The following LAMC1 variants were observed in gnomAD, a reference collection of about 807,000 sequenced individuals.
LAMC1 encodes laminin subunit gamma-1.
In LAMC1, 38 loss-of-function variants were observed where a neutral mutation model predicts 173.6. That is an observed-to-expected ratio of 0.22 (90% confidence interval 0.17 to 0.29). LAMC1 has a LOEUF of 0.29. Ranked by LOEUF, LAMC1 falls within the 10% of genes least tolerant of loss-of-function variation. LAMC1 has a pLI of 1.00. For synonymous variants in LAMC1, 746 were observed against 749.1 expected (o/e 1.00, Z 0.07); for missense variants, 1,824 against 2,051.8 (o/e 0.89, Z 2.14).
chr1:183,094,959 C>A (rs1043612107), intron 1 of LAMC1, among the ~76,000 whole-genome samples: 1 of 152,082 alleles, frequency 6.6e-6, no homozygotes, highest in Non-Finnish European at 1.5e-5. Flanking sequence ...GATTCTCCTG[C>A]CTCAGCCTCC....
chr1:183,136,255 GC>G, intron 24 of LAMC1, 130 bp from the exon 25 acceptor site: 2 of 695,790 alleles, frequency 2.9e-6, no homozygotes, highest in Non-Finnish European at 5.0e-6. Context: ...TAAAATTTCA[GC>G]CCATGCTCTC....
At position 183,142,879 on chromosome 1, in the gene LAMC1, G is replaced by A; in HGVS notation, c.*89G>A. ...CTTGACACAAAGATTACATTTTTCA[G>A]ACCCCCACTCCTCTGCTGCTGTCCA... is the stretch of plus-strand genomic sequence containing the variant. On this transcript the variant is annotated 3_prime_UTR_variant, in exon 28 of 28. Transcript: ENST00000258341. 7.4e-7 allele frequency: 1 copy of A among 1,345,418 alleles called. No homozygotes were observed. Among genetic ancestry groups the A allele is most frequent in the South Asian group, 1.4e-5 (1 of 70,722 alleles). The allele number at this position is 1,345,418 out of a possible 1,614,324, so 83.3% of individuals were successfully genotyped here. A position where few individuals can be genotyped will look rare whatever the true frequency, so the allele number is the denominator to read the frequency against.
chr1:183,077,462 A>G (rs558480793), intron 1 of LAMC1, among the ~76,000 whole-genome samples: 21 of 152,160 alleles, frequency 1.4e-4, no homozygotes, highest in African/African-American at 4.8e-4. Context: ...GTTTGGTTAC[A>G]TGAATAAGTT....
chr1:183,028,605 G>A (rs562122145), intron 1 of LAMC1, among the ~76,000 whole-genome samples: 4 of 152,320 alleles, frequency 2.6e-5, no homozygotes, highest in South Asian at 2.1e-4. Flanking sequence ...GATTGCATTC[G>A]TTCTTGCAGC....
chr1:183,024,650 A>G (rs1306948292), intron 1 of LAMC1, among the ~76,000 whole-genome samples: 2 of 152,218 alleles, frequency 1.3e-5, no homozygotes, highest in Non-Finnish European at 2.9e-5. Context: ...TATATTGCCT[A>G]TGTGTAATTA....
intron 1 of LAMC1, among the ~76,000 whole-genome samples, chr1:183,069,455 A>G (rs1267483152): frequency 6.6e-6 from 1 of 152,236 alleles, no homozygotes; most frequent in Non-Finnish European, 1.5e-5. Flanking sequence ...GTAAAAGTTA[A>G]GTCATTATCC....
chr1:183,097,099 G>A (rs1655714314), intron 1 of LAMC1, among the ~76,000 whole-genome samples: 1 of 152,172 alleles, frequency 6.6e-6, no homozygotes, highest in African/African-American at 2.4e-5. Flanking sequence ...ATCCGCTGAG[G>A]TGGAACAATA....
intron 22 of LAMC1, among the ~76,000 whole-genome samples, chr1:183,133,991 G>A (rs1341030909): frequency 6.6e-6 from 1 of 152,160 alleles, no homozygotes; most frequent in Non-Finnish European, 1.5e-5. Flanking sequence ...TTTACTCCCA[G>A]GCTCTGTCTA....
At chr1:183,123,003 C>T (rs1656521373) in intron 13 of LAMC1, among the ~76,000 whole-genome samples, 1 of 152,158 alleles carries the variant, frequency 6.6e-6, no homozygotes, top group Non-Finnish European at 1.5e-5. Context: ...TTGTGTCAGC[C>T]ATTTTCTGCT....
chr1:183,054,149 C>A (rs1358679149), intron 1 of LAMC1, among the ~76,000 whole-genome samples: 1 of 152,158 alleles, frequency 6.6e-6, no homozygotes. Flanking sequence ...ATTTGTAAGG[C>A]TAGCATCATT....
At chr1:183,099,505 T>C (rs1448774132) in intron 1 of LAMC1, among the ~76,000 whole-genome samples, 1 of 152,142 alleles carries the variant, frequency 6.6e-6, no homozygotes, top group Non-Finnish European at 1.5e-5. Flanking sequence ...TTGACTCTCC[T>C]AGCAGATTTG....
chr1:183,117,095 CAATG>C (rs1293873935), intron 8 of LAMC1, 192 bp downstream of exon 8: 1 of 714,126 alleles, frequency 1.4e-6, no homozygotes, highest in African/African-American at 1.8e-5. Context: ...GAATTTATCT[CAATG>C]AATGGTGATT....
chr1:183,128,271 TA>T (rs1219909220), intron 17 of LAMC1, among the ~76,000 whole-genome samples: 1 of 152,118 alleles, frequency 6.6e-6, no homozygotes, highest in African/African-American at 2.4e-5. Flanking sequence ...ATACAGTCTT[TA>T]AAGTCAAAGG....
intron 1 of LAMC1, among the ~76,000 whole-genome samples, chr1:183,085,783 A>G (rs1043915081): frequency 1.3e-5 from 2 of 152,208 alleles, no homozygotes; most frequent in African/African-American, 4.8e-5. Context: ...TAAAAAGTTT[A>G]TAAATATGCT....
Position 183,118,059 on chromosome 1 carries a change from T to C in LAMC1, c.1903T>C (p.Trp635Arg). 1 of 1,613,280 alleles carries C rather than the reference T, an allele frequency of 6.2e-7. No homozygotes were observed. Among genetic ancestry groups the C allele is most frequent in the Non-Finnish European group, 8.5e-7 (1 of 1,179,234 alleles). Reference sequence around the variant, plus strand: ...GCTCCATGAAGCAACAGATTACCCTTGGAGGCCTGCTCTTACCCCTTTTGA... The same window carrying C: ...GCTCCATGAAGCAACAGATTACCCTCGGAGGCCTGCTCTTACCCCTTTTGA... ...FRLHEATDYP[W>R]RPALTPFEFQ... Residue 635 changes from tryptophan to arginine, a missense_variant, in exon 11 of 28, where the codon TGG becomes CGG. Physicochemically the swap from Trp to Arg is moderately radical, Grantham distance 101. Coordinates refer to ENST00000258341, the MANE Select transcript of LAMC1 (RefSeq NM_002293.4).
At chr1:183,087,923 C>T (rs2102056583) in intron 1 of LAMC1, among the ~76,000 whole-genome samples, 1 of 151,884 alleles carries the variant, frequency 6.6e-6, no homozygotes, top group Admixed American at 6.6e-5. Flanking sequence ...AAGCGATTCT[C>T]CTGCCTCAGC....
In LAMC1 at chr1:183,075,312, C is replaced by T. The variant is rs571909260; in HGVS notation, c.419-28016C>T. 7.2e-5 allele frequency among the ~76,000 whole-genome samples: 11 copies of T among 152,038 alleles called. No homozygotes were observed. The East Asian group carries it at 1.6e-3, about 21-fold the overall frequency. ...GCTAATTTTTACAAGGACAGGGTTT[C>T]GCCATGTTGCCCAGGCTGGTCTCAA... On this transcript the variant is annotated intron_variant, in intron 1 of 27. Coordinates refer to ENST00000258341, the MANE Select transcript of LAMC1 (RefSeq NM_002293.4).
chr1:183,023,777 C>A lies in LAMC1; in HGVS notation c.61C>A (p.Leu21Met), dbSNP rs766921542. Residue 21 changes from leucine to methionine, a missense_variant, in exon 1 of 28, where the codon CTG becomes ATG. Leu to Met is a conservative substitution (Grantham distance 15, BLOSUM62 2). Coordinates refer to ENST00000258341, the MANE Select transcript of LAMC1 (RefSeq NM_002293.4). ...LRPRGRLWPV[L>M]AVLAAAAAAG... is the part of the protein sequence containing the mutation. ...GCCCCGGGGGCGGCTCTGGCCCGTGCTGGCCGTGCTGGCGGCGGCCGCCGC... is the reference window on the plus strand; with the variant it reads ...GCCCCGGGGGCGGCTCTGGCCCGTGATGGCCGTGCTGGCGGCGGCCGCCGC... 6.2e-6 allele frequency: 9 copies of A among 1,456,050 alleles called. No individual in the cohort carries two copies. Among genetic ancestry groups the A allele is most frequent in the Non-Finnish European group, 7.3e-6 (8 of 1,103,294 alleles). The allele number at this position is 1,456,050 out of a possible 1,614,324, so 90.2% of individuals were successfully genotyped here.
At chr1:183,094,369 T>C (rs913925007) in intron 1 of LAMC1, among the ~76,000 whole-genome samples, 1 of 152,254 alleles carries the variant, frequency 6.6e-6, no homozygotes, top group South Asian at 2.1e-4. Context: ...CCACAAACTT[T>C]CTATTCCCAC....
Sources: allele counts gnomAD v4.1 joint callset (sites outside exome capture counted in the v4.1 genomes callset), GRCh38; gene constraint gnomAD v4.1.1; transcripts MANE v1.5; gene names NCBI Gene and HGNC (gene_info 2026-07-23, HGNC 2026-07-21).